The following DSCAM variants were observed in gnomAD, a reference collection of about 807,000 sequenced individuals.
DSCAM encodes the protein DS cell adhesion molecule.
DSCAM carries 47 observed loss-of-function variants against 217.7 expected under a neutral mutation model. The observed-to-expected ratio is 0.22, with a 90% confidence interval of 0.17 to 0.28. DSCAM has a LOEUF of 0.28. Ranked by LOEUF, DSCAM falls within the 10% of genes least tolerant of loss-of-function variation. The probability of loss-of-function intolerance (pLI) is 1.00; values close to 1 mark genes in which losing one functional copy is unlikely to be tolerated. For synonymous variants in DSCAM, 1,056 were observed against 1,015.3 expected (o/e 1.04, Z -0.76); for missense variants, 2,080 against 2,618.3 (o/e 0.79, Z 4.49).
chr21:40,055,641 A>G (rs1237003246), intron 29 of DSCAM, 84 bp downstream of exon 29: 2 of 1,010,646 alleles, frequency 2.0e-6, no homozygotes, highest in South Asian at 1.3e-5. Context: ...CTCCTGTCTA[A>G]TATTTCCCAC....
intron 2 of DSCAM, among the ~76,000 whole-genome samples, chr21:40,702,828 A>T (rs1232606123): frequency 2.0e-5 from 3 of 152,036 alleles, no homozygotes. Flanking sequence ...ATACATTTGT[A>T]ACTTATCACC....
chr21:40,768,758 C>T (rs1052232200), intron 1 of DSCAM, among the ~76,000 whole-genome samples: 2 of 152,114 alleles, frequency 1.3e-5, no homozygotes, highest in African/African-American at 4.8e-5. Flanking sequence ...CCAAAGCTTG[C>T]GTTGATTGTA....
intron 16 of DSCAM, among the ~76,000 whole-genome samples, chr21:40,155,132 T>G (rs2146744552): frequency 6.6e-6 from 1 of 152,352 alleles, no homozygotes; most frequent in East Asian, 1.9e-4. Context: ...AATTCTGTTG[T>G]TCCTCATACA....
intron 1 of DSCAM, among the ~76,000 whole-genome samples, chr21:40,799,711 T>A (rs1463306576): frequency 6.6e-6 from 1 of 152,194 alleles, no homozygotes; most frequent in Non-Finnish European, 1.5e-5. Flanking sequence ...AACCTCTTAT[T>A]CCATCATCAC....
intron 3 of DSCAM, among the ~76,000 whole-genome samples, chr21:40,609,324 A>G (rs760186684): frequency 3.3e-5 from 5 of 152,226 alleles, no homozygotes; most frequent in Non-Finnish European, 5.9e-5. Flanking sequence ...GAGTGAAACT[A>G]TGCACATCAT....
At chr21:40,188,999 C>T (rs1452690362) in intron 12 of DSCAM, 43 bp downstream of exon 12, 2 of 1,583,072 alleles carry the variant, frequency 1.3e-6, no homozygotes, top group Admixed American at 3.4e-5. Flanking sequence ...CTTATTCTTC[C>T]AATAAAGTTC....
chr21:40,492,677 T>A (rs2076085520), intron 3 of DSCAM, among the ~76,000 whole-genome samples: 1 of 100,470 alleles, frequency 1.0e-5, no homozygotes, highest in South Asian at 2.9e-4. Context: ...ATTATATAAT[T>A]AGAACAGAAA....
At chr21:40,737,608 T>A (rs2091078104) in intron 1 of DSCAM, among the ~76,000 whole-genome samples, 1 of 152,056 alleles carries the variant, frequency 6.6e-6, no homozygotes, top group Admixed American at 6.6e-5. Flanking sequence ...ACCACTTAAC[T>A]CCAGCCTAGG....
At position 40,167,229 on chromosome 21, in the gene DSCAM, C is replaced by T. The variant is rs1486277156; in HGVS notation, c.3007G>A (p.Val1003Ile). 2 of 1,613,886 alleles carry T rather than the reference C, an allele frequency of 1.2e-6. No individual in the cohort carries two copies. The highest frequency in any genetic ancestry group is 1.1e-5 in the South Asian group (1 of 91,048). Residue 1003 changes from valine to isoleucine, a missense_variant, in exon 16 of 33, where the codon GTC becomes ATC. Coordinates refer to ENST00000400454, the MANE Select transcript of DSCAM (RefSeq NM_001389.5). ...TTTGCTGAGTTTACCTTCCATGTGA[C>T]CCTGATGCTCTGAGATGATATAGGC... is the stretch of plus-strand genomic sequence containing the variant. ...LEPISSQSIR[V>I]TWKAPKKHLQ...
Position 40,824,403 on chromosome 21 carries a change from A to ATT in DSCAM, c.43+22214_43+22215dup, listed in dbSNP as rs536114434. 9.9e-5 allele frequency among the ~76,000 whole-genome samples: 12 copies of ATT among 121,006 alleles called. 1 individual carries two copies. The highest frequency in any genetic ancestry group is 2.8e-4 in the African/African-American group (8 of 28,726). The allele number at this position is 121,006 out of a possible 152,430, so 79.4% of individuals were successfully genotyped here. On this transcript the variant is annotated intron_variant, in intron 1 of 32. Transcript: ENST00000400454. Reference sequence around the variant, plus strand: ...GCTCCCTATCCCATTTTTATTATTGATTTTTTTTTTTTTTTTTGGAGACAG... The same window carrying ATT: ...GCTCCCTATCCCATTTTTATTATTGATTTTTTTTTTTTTTTTTTTGGAGACAG...
intron 3 of DSCAM, among the ~76,000 whole-genome samples, chr21:40,526,902 A>C (rs1178349644): frequency 6.6e-6 from 1 of 151,874 alleles, no homozygotes; most frequent in African/African-American, 2.4e-5. Context: ...TATTTCTAAG[A>C]ATGATGCTCA....
chr21:40,431,099 T>C (rs992510933), intron 3 of DSCAM, among the ~76,000 whole-genome samples: 32 of 152,336 alleles, frequency 2.1e-4, no homozygotes, highest in African/African-American at 6.7e-4. Flanking sequence ...AAAATAGTTA[T>C]CCTGCCACAT....
intron 20 of DSCAM, among the ~76,000 whole-genome samples, chr21:40,104,702 G>T (rs559984033): frequency 6.6e-6 from 1 of 152,234 alleles, no homozygotes; most frequent in South Asian, 2.1e-4. Flanking sequence ...ATGAACACTG[G>T]CTAATAATGA....
At chr21:40,750,373 T>C (rs1255059718) in intron 1 of DSCAM, among the ~76,000 whole-genome samples, 1 of 152,224 alleles carries the variant, frequency 6.6e-6, no homozygotes, top group East Asian at 1.9e-4. Flanking sequence ...TGATCATGCA[T>C]GGTTTCCCTC....
chr21:40,424,465 G>T (rs1362062731), intron 3 of DSCAM, among the ~76,000 whole-genome samples: 1 of 152,136 alleles, frequency 6.6e-6, no homozygotes, highest in African/African-American at 2.4e-5. Context: ...ACCAACAAGA[G>T]CAAGGCTTGC....
At chr21:40,546,225 C>A (rs1356069613) in intron 3 of DSCAM, among the ~76,000 whole-genome samples, 1 of 152,202 alleles carries the variant, frequency 6.6e-6, no homozygotes, top group Admixed American at 6.5e-5. Flanking sequence ...GAGATATTTT[C>A]AGTAGGAAGC....
intron 14 of DSCAM, among the ~76,000 whole-genome samples, chr21:40,184,194 A>T (rs1056039585): frequency 1.3e-5 from 2 of 152,186 alleles, no homozygotes; most frequent in Non-Finnish European, 2.9e-5. Flanking sequence ...TTTTCTATGT[A>T]CTCAGTCTAA....
At chr21:40,628,789 C>T (rs2089641173) in intron 3 of DSCAM, among the ~76,000 whole-genome samples, 1 of 151,738 alleles carries the variant, frequency 6.6e-6, no homozygotes. Flanking sequence ...GATCTGTCAC[C>T]CAGGCTAGAG....
chr21:40,124,081 C>T lies in DSCAM; in HGVS notation c.3696+114G>A. 3.4e-6 allele frequency: 5 copies of T among 1,465,434 alleles called. No homozygotes were observed. The South Asian group carries it at 6.4e-5, about 19-fold the overall frequency. 90.8% of individuals were successfully genotyped at this position (1,465,434 alleles called of 1,614,324 possible). A position where few individuals can be genotyped will look rare whatever the true frequency, so the allele number is the denominator to read the frequency against. ...TGGAGACAGCAGGGGCAAAACAAAA[C>T]CACTGGAAAGACCCAGGTAGGTGGG... On this transcript the variant is annotated intron_variant, in intron 20 of 32. Transcript: ENST00000400454.
Sources: allele counts gnomAD v4.1 joint callset (sites outside exome capture counted in the v4.1 genomes callset), GRCh38; gene constraint gnomAD v4.1.1; transcripts MANE v1.5; gene names NCBI Gene and HGNC (gene_info 2026-07-23, HGNC 2026-07-21).